The following PRXL2A variants were observed in gnomAD, a reference collection of about 807,000 sequenced individuals.
PRXL2A encodes the protein peroxiredoxin-like 2A.
Under a neutral mutation model 25.6 loss-of-function variants are expected in PRXL2A, and 26 were observed. That is an observed-to-expected ratio of 1.02 (90% confidence interval 0.74 to 1.41). The LOEUF is 1.41. PRXL2A is among the 40% of genes most tolerant of loss of function. The pLI is 0.00. For synonymous variants in PRXL2A, 98 were observed against 102.9 expected, an observed-to-expected ratio of 0.95 and a Z score of 0.29; for missense variants, 246 against 273.9, an observed-to-expected ratio of 0.90 and a Z score of 0.72.
At chr10:80,420,299 G>A (rs1844818348) in intron 1 of PRXL2A, 167 bp from the exon 2 acceptor site, 5 of 1,356,384 alleles carry the variant, frequency 3.7e-6, no homozygotes, top group Non-Finnish European at 4.7e-6. Context: ...AGTTCTGGTG[G>A]CAGCAGGTGC....
intron 5 of PRXL2A, among the ~76,000 whole-genome samples, chr10:80,429,286 G>C (rs1845151163): frequency 6.6e-6 from 1 of 152,174 alleles, no homozygotes; most frequent in Non-Finnish European, 1.5e-5. Flanking sequence ...TGGTAAATCT[G>C]TCAAAGTGTC....
At chr10:80,418,480 C>T (rs998023439) in intron 1 of PRXL2A, among the ~76,000 whole-genome samples, 1 of 152,066 alleles carries the variant, frequency 6.6e-6, no homozygotes, top group Non-Finnish European at 1.5e-5. Flanking sequence ...GCAGTGCACC[C>T]CTCACAGCCC....
intron 5 of PRXL2A, among the ~76,000 whole-genome samples, chr10:80,429,087 AGAGACAGGG>A (rs1845146072): frequency 3.3e-5 from 5 of 151,962 alleles, no homozygotes; most frequent in African/African-American, 9.7e-5. Flanking sequence ...TATTTTCAGT[AGAGACAGGG>A]TTTCTACTCA....
intron 2 of PRXL2A, among the ~76,000 whole-genome samples, chr10:80,421,658 T>G (rs1844869636): frequency 6.6e-6 from 1 of 152,080 alleles, no homozygotes; most frequent in South Asian, 2.1e-4. Flanking sequence ...CCCATTTTTT[T>G]TTTTTCCACA....
intron 1 of PRXL2A, among the ~76,000 whole-genome samples, chr10:80,417,914 T>C (rs929786395): frequency 1.3e-5 from 2 of 151,966 alleles, no homozygotes; most frequent in Admixed American, 6.6e-5. Flanking sequence ...TCCCATGTTG[T>C]CCAGGCTTGT....
At position 80,432,727 on chromosome 10, in the gene PRXL2A, G is replaced by T. The variant is rs1025784058; in HGVS notation, c.*628G>T. Reference sequence around the variant, plus strand: ...GTTGTTTGAAATTATTTTTCTTTTCGGGTCTTCAAAAATTCAAGAAAAGTT... The same window carrying T: ...GTTGTTTGAAATTATTTTTCTTTTCTGGTCTTCAAAAATTCAAGAAAAGTT... On this transcript the variant is annotated 3_prime_UTR_variant, in exon 6 of 6. Coordinates refer to ENST00000606162, the MANE Select transcript of PRXL2A (RefSeq NM_032333.5). The T allele has an allele frequency of 6.6e-6, 1 of 151,326 alleles. No homozygotes were observed. The highest frequency in any genetic ancestry group is 2.4e-5 in the African/African-American group (1 of 41,198). The allele number at this position is 151,326 out of a possible 1,614,324, so 9.4% of individuals were successfully genotyped here. A position where few individuals can be genotyped will look rare whatever the true frequency, so the allele number is the denominator to read the frequency against.
intron 4 of PRXL2A, among the ~76,000 whole-genome samples, chr10:80,426,300 C>T (rs527729415): frequency 1.3e-5 from 2 of 152,314 alleles, no homozygotes; most frequent in Admixed American, 6.5e-5. Context: ...CTTCAAGAAC[C>T]CATACAGCCA....
intron 5 of PRXL2A, among the ~76,000 whole-genome samples, chr10:80,429,916 T>C (rs1025258968): frequency 6.6e-6 from 1 of 152,140 alleles, no homozygotes; most frequent in Non-Finnish European, 1.5e-5. Context: ...TGGGCCCTAC[T>C]GGCATGTTTC....
At chr10:80,428,502 A>G (rs765138233) in intron 5 of PRXL2A, among the ~76,000 whole-genome samples, 1 of 152,224 alleles carries the variant, frequency 6.6e-6, no homozygotes, top group Non-Finnish European at 1.5e-5. Context: ...CATCTCTACT[A>G]AAGAAAAGCT....
chr10:80,422,627 C>A, intron 3 of PRXL2A, 119 bp downstream of exon 3: 3 of 621,592 alleles, frequency 4.8e-6, no homozygotes, highest in Non-Finnish European at 8.2e-6. Flanking sequence ...ATGTTCTGTT[C>A]TGTTATTTGC....
At chr10:80,426,077 C>A in intron 4 of PRXL2A, 71 bp downstream of exon 4, 1 of 1,588,754 alleles carries the variant, frequency 6.3e-7, no homozygotes, top group Non-Finnish European at 8.6e-7. Context: ...AGTCAGGTGG[C>A]CCAGGTATGT....
At chr10:80,414,643 T>G (rs1189885308) in intron 1 of PRXL2A, among the ~76,000 whole-genome samples, 1 of 152,230 alleles carries the variant, frequency 6.6e-6, no homozygotes, top group East Asian at 1.9e-4. Flanking sequence ...TCTTTCAGGC[T>G]TTGGAGTCCT....
At chr10:80,425,770 G>T in intron 3 of PRXL2A, 96 bp from the exon 4 acceptor site, 1 of 1,498,516 alleles carries the variant, frequency 6.7e-7, no homozygotes, top group South Asian at 1.2e-5. Context: ...CACTGGAGAA[G>T]ACAAGGAGCC....
At chr10:80,414,105 T>A (rs1316562655) in intron 1 of PRXL2A, among the ~76,000 whole-genome samples, 1 of 152,076 alleles carries the variant, frequency 6.6e-6, no homozygotes, top group Non-Finnish European at 1.5e-5. Context: ...CTCATGGAGT[T>A]GAGAAAAATG....
chr10:80,417,022 T>C (rs1341026985), intron 1 of PRXL2A, among the ~76,000 whole-genome samples: 1 of 152,230 alleles, frequency 6.6e-6, no homozygotes, highest in Non-Finnish European at 1.5e-5. Context: ...AAGAGACGGC[T>C]AACGCTCAAA....
rs1845309947 is a variant in PRXL2A, at chr10:80,432,722, T to A, written c.*623T>A. ...GTGCTGTTGTTTGAAATTATTTTTC[T>A]TTTCGGGTCTTCAAAAATTCAAGAA... On this transcript the variant is annotated 3_prime_UTR_variant, in exon 6 of 6. Transcript: ENST00000606162. 3 of 152,130 alleles carry A rather than the reference T, an allele frequency of 2.0e-5. No homozygotes were observed. The South Asian group carries it at 6.2e-4, about 32-fold the overall frequency. The allele number at this position is 152,130 out of a possible 1,614,324, so 9.4% of individuals were successfully genotyped here. A position where few individuals can be genotyped will look rare whatever the true frequency, so the allele number is the denominator to read the frequency against.
At chr10:80,417,871 C>T (rs1388302598) in intron 1 of PRXL2A, among the ~76,000 whole-genome samples, 1 of 151,708 alleles carries the variant, frequency 6.6e-6, no homozygotes, top group African/African-American at 2.4e-5. Flanking sequence ...GCGTGTGCCA[C>T]CATGCCCAGC....
chr10:80,422,865 T>C (rs1486567719), intron 3 of PRXL2A, among the ~76,000 whole-genome samples: 30 of 152,212 alleles, frequency 2.0e-4, no homozygotes, highest in Non-Finnish European at 1.5e-4. Flanking sequence ...CCTGGATTGC[T>C]TCTGATTCGG....
intron 3 of PRXL2A, 37 bp from the exon 4 acceptor site, chr10:80,425,829 T>C: frequency 6.2e-7 from 1 of 1,613,090 alleles, no homozygotes; most frequent in African/African-American, 1.3e-5. Flanking sequence ...CACAGCCAGC[T>C]GGGACAGATG....
Sources: gnomAD v4.1 joint callset for allele counts (sites outside exome capture counted in the v4.1 genomes callset) on GRCh38, gnomAD v4.1.1 for gene constraint, MANE v1.5 for transcripts, NCBI Gene and HGNC (gene_info 2026-07-23, HGNC 2026-07-21) for gene names.